The following ARMH3 variants were observed in gnomAD, a reference collection of about 807,000 sequenced individuals.
The protein encoded by ARMH3 is armadillo like helical domain containing 3.
A neutral mutation model predicts 99.1 loss-of-function variants in ARMH3; 60 were observed. The ratio of observed to expected loss-of-function variants is 0.61; its 90% CI spans 0.49 to 0.75. ARMH3 has a LOEUF of 0.75. Among genes scored for constraint, ARMH3 ranks in the 30% least tolerant of loss-of-function variants. The pLI, the probability that ARMH3 is intolerant of heterozygous loss-of-function variation, is 0.00. For missense variants in ARMH3, 679 were observed against 843.1 expected, an observed-to-expected ratio of 0.81 and a Z score of 2.41; for synonymous variants, 285 against 292.8, an observed-to-expected ratio of 0.97 and a Z score of 0.27.
chr10:102,004,931 G>A (rs1251488601), intron 14 of ARMH3, among the ~76,000 whole-genome samples: 2 of 151,776 alleles, frequency 1.3e-5, no homozygotes, highest in African/African-American at 4.8e-5. Flanking sequence ...TTGGCCAGGC[G>A]TGGTGGCTCA....
At chr10:101,931,138 A>G (rs114727744) in intron 23 of ARMH3, among the ~76,000 whole-genome samples, 1 of 152,336 alleles carries the variant, frequency 6.6e-6, no homozygotes, top group Non-Finnish European at 1.5e-5. Flanking sequence ...ATATGTAGGA[A>G]AAAACGGGAG....
At chr10:101,898,139 C>T (rs2067884838) in intron 23 of ARMH3, among the ~76,000 whole-genome samples, 1 of 151,098 alleles carries the variant, frequency 6.6e-6, no homozygotes, top group Non-Finnish European at 1.5e-5. Context: ...CAGCACTTTG[C>T]GAGGCTGAAG....
chr10:101,889,842 C>T (rs2067644595), intron 23 of ARMH3: 1 of 216,914 alleles, frequency 4.6e-6, no homozygotes, highest in Admixed American at 5.0e-5. Flanking sequence ...GAAAGAAAAG[C>T]TGTCTTGTCT....
intron 23 of ARMH3, among the ~76,000 whole-genome samples, chr10:101,906,168 T>C (rs1564739239): frequency 6.6e-6 from 1 of 152,250 alleles, no homozygotes; most frequent in East Asian, 1.9e-4. Context: ...GAAATGTAAC[T>C]GGTTTCCTTT....
At chr10:102,040,191 T>G in intron 1 of ARMH3, 66 bp from the exon 2 acceptor site, 1 of 1,302,198 alleles carries the variant, frequency 7.7e-7, no homozygotes, top group South Asian at 1.2e-5. Flanking sequence ...ATGGCAGATA[T>G]ATGTCATACA....
chr10:101,993,834 A>C (rs1846926659), intron 16 of ARMH3, among the ~76,000 whole-genome samples: 1 of 152,214 alleles, frequency 6.6e-6, no homozygotes, highest in African/African-American at 2.4e-5. Context: ...AAGCAAAAAC[A>C]ATAAAAATTA....
At chr10:101,969,319 A>G (rs901875712) in intron 20 of ARMH3, among the ~76,000 whole-genome samples, 1 of 152,252 alleles carries the variant, frequency 6.6e-6, no homozygotes, top group African/African-American at 2.4e-5. Context: ...AAAAGAAACT[A>G]AACTAAAAGA....
intron 1 of ARMH3, 31 bp from the exon 2 acceptor site, chr10:102,040,156 T>A: frequency 6.5e-7 from 1 of 1,541,266 alleles, no homozygotes; most frequent in Non-Finnish European, 9.0e-7. Flanking sequence ...TTTAGAATAG[T>A]GAAAATACTC....
intron 19 of ARMH3, among the ~76,000 whole-genome samples, chr10:101,988,289 G>GA (rs1221268108): frequency 9.9e-5 from 15 of 152,080 alleles, no homozygotes; most frequent in Admixed American, 8.5e-4. Context: ...CTTTTAAAAT[G>GA]AAAAAATTGA....
intron 22 of ARMH3, among the ~76,000 whole-genome samples, chr10:101,951,576 A>C (rs1844788908): frequency 6.6e-6 from 1 of 152,058 alleles, no homozygotes; most frequent in South Asian, 2.1e-4. Context: ...GTCTCCAAAA[A>C]AAGAAGAAAG....
intron 7 of ARMH3, 40 bp from the exon 8 acceptor site, chr10:102,023,603 T>C (rs754997060): frequency 1.9e-6 from 3 of 1,610,736 alleles, no homozygotes; most frequent in Non-Finnish European, 2.5e-6. Context: ...TGCTAACTCC[T>C]GGTTCCTGAG....
intron 6 of ARMH3, 27 bp downstream of exon 6, chr10:102,025,129 T>C (rs1179629950): frequency 6.4e-7 from 1 of 1,561,814 alleles, no homozygotes; most frequent in African/African-American, 1.4e-5. Context: ...TGTCAATTAA[T>C]ACCCTTGACA....
chr10:101,975,121 G>A (rs1590115508), intron 20 of ARMH3, 91 bp downstream of exon 20: 2 of 683,744 alleles, frequency 2.9e-6, no homozygotes, highest in African/African-American at 2.1e-5. Context: ...CAAACCAAAA[G>A]GTTAAAAAAC....
chr10:101,904,950 CAAAAAAA>C (rs34831483), intron 23 of ARMH3, among the ~76,000 whole-genome samples: 3 of 91,544 alleles, frequency 3.3e-5, no homozygotes, highest in African/African-American at 1.5e-4. Context: ...GACTCCATCT[CAAAAAAA>C]AAAAAAAAAG....
intron 20 of ARMH3, among the ~76,000 whole-genome samples, chr10:101,959,798 C>G (rs1246610022): frequency 1.3e-5 from 2 of 152,194 alleles, no homozygotes; most frequent in Admixed American, 1.3e-4. Context: ...GAGTCAGTGC[C>G]AGAGTGGCTT....
At chr10:102,050,168 C>T (rs553395182) in intron 1 of ARMH3, among the ~76,000 whole-genome samples, 5 of 151,380 alleles carry the variant, frequency 3.3e-5, no homozygotes, top group East Asian at 2.0e-4. Flanking sequence ...TAGAGCCAGG[C>T]GCTGTGGCTC....
chr10:101,961,547 A>T (rs1333376508), intron 20 of ARMH3, among the ~76,000 whole-genome samples: 1 of 152,192 alleles, frequency 6.6e-6, no homozygotes, highest in African/African-American at 2.4e-5. Flanking sequence ...CACAGGGTTT[A>T]TGCCAAAAAA....
chr10:101,861,877 C>CAAA (rs36095929), intron 24 of ARMH3, among the ~76,000 whole-genome samples: 3 of 93,996 alleles, frequency 3.2e-5, no homozygotes, highest in South Asian at 3.6e-4. Context: ...CTAAAAATAC[C>CAAA]AAAAAAAAAA....
chr10:102,036,693 A>G (rs1372282361), intron 2 of ARMH3, among the ~76,000 whole-genome samples: 1 of 152,058 alleles, frequency 6.6e-6, no homozygotes, highest in East Asian at 1.9e-4. Flanking sequence ...GTTAAGAGTC[A>G]TCACCACTCC....
Sources: allele counts gnomAD v4.1 joint callset (sites outside exome capture counted in the v4.1 genomes callset), GRCh38; gene constraint gnomAD v4.1.1; transcripts MANE v1.5; gene names NCBI Gene and HGNC (gene_info 2026-07-23, HGNC 2026-07-21).